Variants in CHST9 observed in about 807,000 individuals in gnomAD.
CHST9 encodes carbohydrate sulfotransferase 9, also known as GalNAc-4-sulfotransferase 2.
CHST9 carries 41 observed loss-of-function variants against 44.4 expected under a neutral mutation model. That is an observed-to-expected ratio of 0.92 (90% CI 0.72 to 1.20). The LOEUF (loss-of-function observed/expected upper bound fraction) is 1.20, where lower values mean the gene tolerates loss of function less well. Ranked by LOEUF, CHST9 falls within the 50% of genes most tolerant of loss-of-function variation. The pLI is 0.00. For synonymous variants in CHST9, 171 were observed against 178.4 expected (o/e 0.96, Z 0.33); for missense variants, 504 against 516.5 (o/e 0.98, Z 0.23).
chr18:27,066,552 T>A (rs1159078469), intron 2 of CHST9, among the ~76,000 whole-genome samples: 3 of 152,028 alleles, frequency 2.0e-5, no homozygotes, highest in African/African-American at 7.2e-5. Flanking sequence ...TTAGCCTCCC[T>A]CCCAAAAGAG....
At chr18:27,053,165 A>G (rs1174648329) in intron 2 of CHST9, among the ~76,000 whole-genome samples, 1 of 147,394 alleles carries the variant, frequency 6.8e-6, no homozygotes, top group African/African-American at 2.5e-5. Flanking sequence ...GAAGAAGAAG[A>G]AGAAGAAGAA....
intron 2 of CHST9, among the ~76,000 whole-genome samples, chr18:27,091,983 C>G (rs1286711236): frequency 2.0e-5 from 3 of 152,176 alleles, no homozygotes; most frequent in Non-Finnish European, 4.4e-5. Flanking sequence ...GGAGGATTCC[C>G]TCTTTTTCTA....
intron 3 of CHST9, among the ~76,000 whole-genome samples, chr18:27,043,217 A>G (rs1204856766): frequency 6.6e-6 from 1 of 150,850 alleles, no homozygotes; most frequent in African/African-American, 2.4e-5. Context: ...CTCTTTTCTC[A>G]CTCCTGACTG....
intron 2 of CHST9, among the ~76,000 whole-genome samples, chr18:27,052,660 A>G (rs949935844): frequency 8.1e-4 from 124 of 152,262 alleles, no homozygotes; most frequent in African/African-American, 2.3e-3. Flanking sequence ...TTTAACTTAA[A>G]TAATTATAGT....
At position 27,149,574 on chromosome 18, in the gene CHST9, A is replaced by G. The variant is rs536737553; in HGVS notation, c.-96-6669T>C. Among the ~76,000 whole-genome samples the G allele has an allele frequency of 1.1e-3, 169 of 148,150 alleles. 1 individual carries two copies. The highest frequency in any genetic ancestry group is 6.2e-3 in the South Asian group (29 of 4,686). ...ATATATCCCGTAATGGGATTGCTGAAGTTGTCTGTACAAACTATTTTCAGC... is the reference window on the plus strand; with the variant it reads ...ATATATCCCGTAATGGGATTGCTGAGGTTGTCTGTACAAACTATTTTCAGC... On this transcript the variant is annotated intron_variant, in intron 1 of 5. Transcript: ENST00000618847.
intron 1 of CHST9, among the ~76,000 whole-genome samples, chr18:27,182,661 T>G (rs1428534512): frequency 1.3e-5 from 2 of 152,182 alleles, no homozygotes; most frequent in African/African-American, 2.4e-5. Context: ...TGGGAAATCT[T>G]TCTTGGATAG....
chr18:27,183,487 T>C (rs527610612), intron 1 of CHST9, among the ~76,000 whole-genome samples: 2 of 152,324 alleles, frequency 1.3e-5, no homozygotes, highest in East Asian at 1.9e-4. Flanking sequence ...AACATCTATA[T>C]GCAAGGTGCT....
At chr18:27,092,767 C>T (rs2058081604) in intron 2 of CHST9, among the ~76,000 whole-genome samples, 1 of 152,100 alleles carries the variant, frequency 6.6e-6, no homozygotes, top group Non-Finnish European at 1.5e-5. Context: ...TGAGTGAGTC[C>T]TGGATCCTGC....
At chr18:27,099,936 C>T (rs2058154413) in intron 2 of CHST9, among the ~76,000 whole-genome samples, 1 of 151,914 alleles carries the variant, frequency 6.6e-6, no homozygotes, top group Non-Finnish European at 1.5e-5. Context: ...ATGCTCATTG[C>T]ACTATTCACA....
chr18:27,062,217 T>C (rs1340619874), intron 2 of CHST9, among the ~76,000 whole-genome samples: 2 of 152,178 alleles, frequency 1.3e-5, no homozygotes, highest in Non-Finnish European at 2.9e-5. Flanking sequence ...AATGTGCAGG[T>C]TTGTTACATG....
Position 26,922,187 on chromosome 18 carries a change from G to A in CHST9, c.241-4837C>T, listed in dbSNP as rs571581638. The stretch of plus-strand genomic sequence containing the variant: ...TTGCTTCTCTCTTAACACATGCCCT[G>A]TCCTCCACTTGCTTTTATCTGGGCT... On this transcript the variant is annotated intron_variant, in intron 5 of 5. Coordinates refer to ENST00000618847, the MANE Select transcript of CHST9 (RefSeq NM_031422.6). Among the ~76,000 whole-genome samples, 513 of 152,112 alleles carry A rather than the reference G, an allele frequency of 3.4e-3. 7 individuals are homozygous for A. The highest frequency in any genetic ancestry group is 0.011 in the African/African-American group (456 of 41,482).
chr18:26,907,267 C>A lies in CHST9; in HGVS notation c.*8992G>T, dbSNP rs1282523536. The A allele has an allele frequency of 1.3e-5, 2 of 152,538 alleles. No individual in the cohort carries two copies. Among genetic ancestry groups the A allele is most frequent in the Non-Finnish European group, 2.9e-5 (2 of 68,078 alleles). The allele number at this position is 152,538 out of a possible 1,614,324, so 9.4% of individuals were successfully genotyped here. On this transcript the variant is annotated 3_prime_UTR_variant, in exon 6 of 6. Coordinates refer to ENST00000618847, the MANE Select transcript of CHST9 (RefSeq NM_031422.6). ...GTGAGGAGTCAGCTTAGGGAGAAAT[C>A]GGGGTTGACTTCTAGGTTCCTAACT... is the stretch of plus-strand genomic sequence containing the variant.
intron 5 of CHST9, chr18:26,928,188 T>C (rs2055809824): frequency 6.5e-6 from 1 of 152,788 alleles, no homozygotes. Context: ...TTATGTCTAC[T>C]TCTTTCTACA....
chr18:27,184,490 A>T (rs1439093709), intron 1 of CHST9, among the ~76,000 whole-genome samples: 1 of 151,976 alleles, frequency 6.6e-6, no homozygotes, highest in Non-Finnish European at 1.5e-5. Context: ...CCCGCAACCC[A>T]CTTGGAGCCC....
intron 2 of CHST9, among the ~76,000 whole-genome samples, chr18:27,053,279 GGAGA>G (rs2057607440): frequency 7.5e-6 from 1 of 133,662 alleles, no homozygotes; most frequent in African/African-American, 2.8e-5. Flanking sequence ...AGAAGGAGAA[GGAGA>G]AGGAGAAGGA....
chr18:27,018,806 G>A lies in CHST9; in HGVS notation c.202+5310C>T, dbSNP rs145689148. On this transcript the variant is annotated intron_variant, in intron 4 of 5. Coordinates refer to ENST00000618847, the MANE Select transcript of CHST9 (RefSeq NM_031422.6). ...TACAGAAAAGAATGTTCAGGCTGAC[G>A]GTGGGAAACATGCCCCCAGGCAAGC... Among the ~76,000 whole-genome samples the A allele has an allele frequency of 4.4e-4, 67 of 152,228 alleles. 1 individual carries two copies. Among genetic ancestry groups the A allele is most frequent in the African/African-American group, 9.1e-4 (38 of 41,542 alleles).
Position 26,995,900 on chromosome 18 carries a change from AAATC to A in CHST9, c.202+28212_202+28215del, listed in dbSNP as rs2056882353. On this transcript the variant is annotated intron_variant, in intron 4 of 5. Coordinates refer to ENST00000618847, the MANE Select transcript of CHST9 (RefSeq NM_031422.6). ...TTAGTTTAGGCTGAATTTTGAAAAT[AAATC>A]AGCTGCAATTTTAGTTTCCCTCTTA... Among the ~76,000 whole-genome samples the A allele has an allele frequency of 2.6e-5, 4 of 152,240 alleles. No homozygotes were observed. In the South Asian group the frequency reaches 8.3e-4, roughly 32 times the overall value.
At chr18:27,040,241 G>C (rs2057430638) in intron 3 of CHST9, among the ~76,000 whole-genome samples, 3 of 152,082 alleles carry the variant, frequency 2.0e-5, no homozygotes, top group Admixed American at 2.0e-4. Flanking sequence ...TAATCTAGAA[G>C]AAAGCAATGT....
intron 4 of CHST9, among the ~76,000 whole-genome samples, chr18:27,010,028 T>A (rs963259923): frequency 6.6e-6 from 1 of 152,240 alleles, no homozygotes; most frequent in South Asian, 2.1e-4. Context: ...TAACCTCAGT[T>A]TTCTGTGAAG....
Sources: allele counts gnomAD v4.1 joint callset (sites outside exome capture counted in the v4.1 genomes callset), GRCh38; gene constraint gnomAD v4.1.1; transcripts MANE v1.5; gene names NCBI Gene and HGNC (gene_info 2026-07-23, HGNC 2026-07-21).